RAI14: variants seen among roughly 807,000 people sequenced by gnomAD.
The protein encoded by RAI14 is ankycorbin.
In RAI14, 45 loss-of-function variants were observed where a neutral mutation model predicts 115.4. The observed-to-expected ratio is 0.39, with a 90% CI of 0.31 to 0.50. RAI14 has a LOEUF of 0.50. Ranked by LOEUF, RAI14 falls within the 20% of genes least tolerant of loss-of-function variation. The probability of loss-of-function intolerance (pLI) is 0.85; values close to 1 mark genes in which losing one functional copy is unlikely to be tolerated. For synonymous variants in RAI14, 371 were observed against 415.4 expected (o/e 0.89, Z 1.30); for missense variants, 939 against 1,131.2 (o/e 0.83, Z 2.44).
rs1410758151 is a variant in RAI14, at chr5:34,656,345, G to C, written c.-179G>C. 1.3e-5 allele frequency: 2 copies of C among 152,090 alleles called. No individual in the cohort carries two copies. The highest frequency in any genetic ancestry group is 2.9e-5 in the Non-Finnish European group (2 of 67,956). The allele number at this position is 152,090 out of a possible 1,614,324, so 9.4% of individuals were successfully genotyped here. A position where few individuals can be genotyped will look rare whatever the true frequency, so the allele number is the denominator to read the frequency against. On this transcript the variant is annotated 5_prime_UTR_variant, in exon 1 of 18. Transcript: ENST00000265109. ...CGGCGCCCACTGACCCCCGCAGCGGGGGAGGAGGAGGGACTGCGGCGCAGG... is the reference window on the plus strand; with the variant it reads ...CGGCGCCCACTGACCCCCGCAGCGGCGGAGGAGGAGGGACTGCGGCGCAGG...
At chr5:34,693,176 A>C (rs931228827) in intron 2 of RAI14, among the ~76,000 whole-genome samples, 1 of 152,174 alleles carries the variant, frequency 6.6e-6, no homozygotes, top group African/African-American at 2.4e-5. Flanking sequence ...AAATAAGGTC[A>C]CCTTCTGAGG....
At chr5:34,787,137 A>C (rs1318182029) in intron 3 of RAI14, among the ~76,000 whole-genome samples, 1 of 152,198 alleles carries the variant, frequency 6.6e-6, no homozygotes, top group African/African-American at 2.4e-5. Context: ...CATGGGTGTC[A>C]TGGCCATCAC....
At chr5:34,809,801 C>T (rs1755368528) in intron 7 of RAI14, among the ~76,000 whole-genome samples, 2 of 152,110 alleles carry the variant, frequency 1.3e-5, no homozygotes, top group African/African-American at 4.8e-5. Context: ...AATTTTACTA[C>T]TTTCTTTCTG....
intron 2 of RAI14, among the ~76,000 whole-genome samples, chr5:34,752,747 GTGTATATA>G (rs1317478882): frequency 7.3e-5 from 8 of 109,562 alleles, no homozygotes; most frequent in African/African-American, 3.0e-4. Context: ...GTGTGTGTGT[GTGTATATA>G]TATATATATA....
intron 16 of RAI14, among the ~76,000 whole-genome samples, chr5:34,826,810 G>A (rs897803424): frequency 5.9e-5 from 9 of 152,120 alleles, no homozygotes; most frequent in African/African-American, 2.2e-4. Context: ...CTCTGGCAGT[G>A]GCAAGAGCTT....
In RAI14 at chr5:34,777,524, A is replaced by G. The variant is rs1052188650; in HGVS notation, c.168-18415A>G. On this transcript the variant is annotated intron_variant, in intron 3 of 17. Transcript: ENST00000265109. ...GCTGAGCGTGGTGGCTCACACCTGT[A>G]ATCCCAACACTTTGGGAGACTGAGG... Among the ~76,000 whole-genome samples the G allele has an allele frequency of 3.3e-5, 5 of 152,300 alleles. No homozygotes were observed. In the East Asian group the frequency reaches 9.7e-4, roughly 29 times the overall value.
At chr5:34,658,072 GC>G (rs1271790215) in intron 1 of RAI14, among the ~76,000 whole-genome samples, 2 of 152,128 alleles carry the variant, frequency 1.3e-5, no homozygotes, top group African/African-American at 4.8e-5. Context: ...CCCGTGCTGG[GC>G]TGTTGCACAG....
intron 3 of RAI14, among the ~76,000 whole-genome samples, chr5:34,765,648 T>A (rs146940720): frequency 0.01 from 1,573 of 152,302 alleles, 22 homozygotes; most frequent in African/African-American, 0.029. Flanking sequence ...AAGCAAAGCA[T>A]AAAAGTTTGG....
intron 2 of RAI14, among the ~76,000 whole-genome samples, chr5:34,753,146 T>C (rs1476856031): frequency 6.6e-6 from 1 of 152,104 alleles, no homozygotes; most frequent in African/African-American, 2.4e-5. Flanking sequence ...TCCTGTCCTA[T>C]GGAGGGCATG....
chr5:34,665,176 C>T (rs28392608), intron 1 of RAI14, among the ~76,000 whole-genome samples: 11,128 of 17,442 alleles, frequency 0.64, 4,692 homozygotes, highest in African/African-American at 0.76. Flanking sequence ...TATATATACA[C>T]ACATATATAT....
At chr5:34,782,892 G>C (rs1751837898) in intron 3 of RAI14, among the ~76,000 whole-genome samples, 1 of 152,198 alleles carries the variant, frequency 6.6e-6, no homozygotes, top group African/African-American at 2.4e-5. Context: ...TGCACAGCAT[G>C]TCTGCCTGTT....
intron 4 of RAI14, among the ~76,000 whole-genome samples, chr5:34,801,264 AC>A (rs769342831): frequency 1.3e-5 from 2 of 152,144 alleles, no homozygotes; most frequent in Admixed American, 6.5e-5. Context: ...CCCCACACCT[AC>A]CCTAAAAATC....
chr5:34,750,476 T>G (rs1277045684), intron 2 of RAI14, among the ~76,000 whole-genome samples: 4 of 152,178 alleles, frequency 2.6e-5, no homozygotes, highest in Non-Finnish European at 4.4e-5. Context: ...CTCTGCCTTT[T>G]TTTTTAAGCG....
chr5:34,807,401 G>A (rs1031972901), intron 5 of RAI14, among the ~76,000 whole-genome samples: 1 of 152,118 alleles, frequency 6.6e-6, no homozygotes, highest in Non-Finnish European at 1.5e-5. Flanking sequence ...AGTGGTTTTG[G>A]GAGTGAATGG....
chr5:34,737,713 C>A (rs543229007), intron 2 of RAI14, among the ~76,000 whole-genome samples: 1 of 152,240 alleles, frequency 6.6e-6, no homozygotes, highest in Admixed American at 6.5e-5. Flanking sequence ...GAGCTATGAG[C>A]CCACCACTGC....
intron 1 of RAI14, among the ~76,000 whole-genome samples, chr5:34,671,204 G>C (rs962243806): frequency 3.3e-5 from 5 of 152,118 alleles, no homozygotes. Context: ...CCAGGTAAAG[G>C]GGGTGAGAAT....
chr5:34,801,622 T>C (rs1251324920), intron 4 of RAI14, among the ~76,000 whole-genome samples: 1 of 151,990 alleles, frequency 6.6e-6, no homozygotes, highest in Non-Finnish European at 1.5e-5. Flanking sequence ...GCACCTGTAA[T>C]CCCAGCTACT....
intron 2 of RAI14, among the ~76,000 whole-genome samples, chr5:34,742,687 G>A (rs1745666022): frequency 6.6e-6 from 1 of 151,842 alleles, no homozygotes; most frequent in African/African-American, 2.4e-5. Flanking sequence ...TTTTTAAGAT[G>A]GAGTCTCACT....
At chr5:34,668,576 T>C (rs1743391411) in intron 1 of RAI14, among the ~76,000 whole-genome samples, 1 of 152,134 alleles carries the variant, frequency 6.6e-6, no homozygotes, top group Non-Finnish European at 1.5e-5. Context: ...CTCACAACCT[T>C]CTTGGGTCTT....
Sources: gnomAD v4.1 joint callset for allele counts (sites outside exome capture counted in the v4.1 genomes callset) on GRCh38, gnomAD v4.1.1 for gene constraint, MANE v1.5 for transcripts, NCBI Gene and HGNC (gene_info 2026-07-23, HGNC 2026-07-21) for gene names.